SLC13A1: variants seen among roughly 807,000 people sequenced by gnomAD.
SLC13A1 encodes solute carrier family 13 member 1.
SLC13A1 carries 65 observed loss-of-function variants against 70.0 expected under a neutral mutation model. The ratio of observed to expected loss-of-function variants is 0.93; its 90% confidence interval spans 0.76 to 1.14. The LOEUF (loss-of-function observed/expected upper bound fraction) is 1.14. SLC13A1 is among the 50% of genes most tolerant of loss of function. The pLI is 0.00. For synonymous variants in SLC13A1, 275 were observed against 250.5 expected (o/e 1.10, Z -0.92); for missense variants, 726 against 717.8 (o/e 1.01, Z -0.13).
intron 6 of SLC13A1, among the ~76,000 whole-genome samples, chr7:123,166,232 G>A (rs1316498259): frequency 2.0e-5 from 3 of 152,048 alleles, no homozygotes; most frequent in Non-Finnish European, 4.4e-5. Context: ...GCCTGGGACA[G>A]TATTTGGATA....
intron 6 of SLC13A1, among the ~76,000 whole-genome samples, chr7:123,149,776 C>T (rs1047333052): frequency 1.3e-5 from 2 of 152,196 alleles, no homozygotes; most frequent in Non-Finnish European, 2.9e-5. Context: ...AATTCTATCT[C>T]TACAGTCCTT....
chr7:123,191,834 G>C (rs1316356791), intron 1 of SLC13A1, among the ~76,000 whole-genome samples: 1 of 152,102 alleles, frequency 6.6e-6, no homozygotes, highest in Non-Finnish European at 1.5e-5. Flanking sequence ...AACTCTATCA[G>C]AGTATATATT....
intron 6 of SLC13A1, among the ~76,000 whole-genome samples, chr7:123,151,665 C>T (rs992159504): frequency 6.6e-6 from 1 of 151,970 alleles, no homozygotes; most frequent in Non-Finnish European, 1.5e-5. Context: ...AAATAAAAGA[C>T]ATAGAGAAGT....
At chr7:123,141,992 GTCTTT>G (rs780282607) in intron 7 of SLC13A1, among the ~76,000 whole-genome samples, 51 of 152,194 alleles carry the variant, frequency 3.4e-4, no homozygotes, top group Admixed American at 9.2e-4. Context: ...TTGTTTTGTG[GTCTTT>G]TCTTCCTTTT....
intron 1 of SLC13A1, among the ~76,000 whole-genome samples, chr7:123,188,209 C>T: frequency 6.6e-6 from 1 of 152,210 alleles, no homozygotes; most frequent in African/African-American, 2.4e-5. Flanking sequence ...TAATTTGGCA[C>T]TTCTCCTTCC....
chr7:123,122,985 G>A lies in SLC13A1; in HGVS notation c.1350+141C>T, dbSNP rs28364215. 2.3e-3 allele frequency: 1,457 copies of A among 638,432 alleles called. 12 individuals carry two copies. The highest frequency in any genetic ancestry group is 1.5e-3 in the Non-Finnish European group (519 of 346,488). The allele number at this position is 638,432 out of a possible 1,614,324, so 39.5% of individuals were successfully genotyped here. On this transcript the variant is annotated intron_variant, in intron 12 of 14. Coordinates refer to ENST00000194130, the MANE Select transcript of SLC13A1 (RefSeq NM_022444.4). ...ACTCTGAACTCATCTCATTTGTGTG[G>A]TATATTCACTGCATAGCTAGCAAAA...
chr7:123,168,388 C>T lies in SLC13A1; in HGVS notation c.646G>A (p.Val216Met). The change falls in exon 6 of 15, where the codon GTG becomes ATG. Residue 216 changes from valine to methionine, a missense_variant. Transcript: ENST00000194130. ...NNDTGKISSK[V>M]ELEKNSGMRT... ...AATTTATGTACCTTTTCCAACTCCA[C>T]CTTGCTTGAAATTTTCCCTGTATCA... The T allele has an allele frequency of 1.3e-6, 2 of 1,583,208 alleles. No individual in the cohort carries two copies. The highest frequency in any genetic ancestry group is 1.7e-6 in the Non-Finnish European group (2 of 1,157,320).
chr7:123,165,708 C>T (rs948592237), intron 6 of SLC13A1, among the ~76,000 whole-genome samples: 13 of 152,228 alleles, frequency 8.5e-5, no homozygotes, highest in Non-Finnish European at 1.5e-4. Context: ...TGGACAAACC[C>T]ATACAATAAT....
At chr7:123,168,464 A>C in intron 5 of SLC13A1, 40 bp downstream of exon 5, 1 of 1,589,028 alleles carries the variant, frequency 6.3e-7, no homozygotes. Flanking sequence ...ATTAAAATAT[A>C]ATTTGGAAAA....
chr7:123,142,914 G>A (rs1012053630), intron 7 of SLC13A1, among the ~76,000 whole-genome samples: 8 of 152,026 alleles, frequency 5.3e-5, no homozygotes, highest in Non-Finnish European at 1.2e-4. Flanking sequence ...ACCGCACCCG[G>A]CTGACGAAGA....
intron 10 of SLC13A1, among the ~76,000 whole-genome samples, 154 bp downstream of exon 10, chr7:123,128,691 A>C (rs1164583022): frequency 1.3e-5 from 2 of 152,170 alleles, no homozygotes; most frequent in Admixed American, 6.6e-5. Flanking sequence ...CATTCCTTAT[A>C]ATTTTTTTCC....
Position 123,157,415 on chromosome 7 carries a change from A to T in SLC13A1, c.661-10105T>A, listed in dbSNP as rs1055350650. Among the ~76,000 whole-genome samples the T allele has an allele frequency of 2.0e-5, 3 of 152,140 alleles. 1 individual carries two copies. The highest frequency in any genetic ancestry group is 4.1e-4 in the South Asian group (2 of 4,828). The stretch of plus-strand genomic sequence containing the variant: ...GTGTGATGAATAAAGAGATGTTTAA[A>T]ATGTAGCATTAAGGACATGAGGCCT... On this transcript the variant is annotated intron_variant, in intron 6 of 14. Transcript: ENST00000194130.
rs1793142531 is a variant in SLC13A1, at chr7:123,115,315, C to T, written c.*203G>A. 3 of 408,074 alleles carry T rather than the reference C, an allele frequency of 7.4e-6. No homozygotes were observed. The highest frequency in any genetic ancestry group is 5.6e-5 in the South Asian group (1 of 17,846). 25.3% of individuals were successfully genotyped at this position (408,074 alleles called of 1,614,324 possible). On this transcript the variant is annotated 3_prime_UTR_variant, in exon 15 of 15. Transcript: ENST00000194130. The stretch of plus-strand genomic sequence containing the variant: ...CAAAACATGGGCTTCTTGATGAAGG[C>T]ACATAGATGCTCTTTAGTTGCACTG...
chr7:123,132,126 T>C (rs984906005), intron 8 of SLC13A1, among the ~76,000 whole-genome samples: 1 of 152,164 alleles, frequency 6.6e-6, no homozygotes, highest in Non-Finnish European at 1.5e-5. Context: ...GATGCCCACC[T>C]GCTGAAATCA....
rs1377772586 is a variant in SLC13A1 at position 123,197,605 on chromosome 7, A to G, written c.99+2243T>C. 8.5e-5 allele frequency among the ~76,000 whole-genome samples: 13 copies of G among 152,148 alleles called. 1 individual carries two copies. Among genetic ancestry groups the G allele is most frequent in the Admixed American group, 8.5e-4 (13 of 15,260 alleles). On this transcript the variant is annotated intron_variant, in intron 1 of 14. Transcript: ENST00000194130. Reference sequence around the variant, plus strand: ...ATTAAATATATGTTTAAAGTGGCCAAAAAATAATATCATGTTATTATACTA... The same window carrying G: ...ATTAAATATATGTTTAAAGTGGCCAGAAAATAATATCATGTTATTATACTA...
intron 1 of SLC13A1, among the ~76,000 whole-genome samples, chr7:123,197,300 A>G (rs1483136083): frequency 6.6e-6 from 1 of 152,138 alleles, no homozygotes; most frequent in African/African-American, 2.4e-5. Context: ...ATAGCCCCAC[A>G]TGGAATTATT....
At chr7:123,161,503 A>G (rs900113460) in intron 6 of SLC13A1, among the ~76,000 whole-genome samples, 12 of 152,190 alleles carry the variant, frequency 7.9e-5, no homozygotes, top group African/African-American at 2.2e-4. Flanking sequence ...TAATAGAATA[A>G]TTTCTAAGTA....
At chr7:123,196,730 G>T (rs1000286527) in intron 1 of SLC13A1, among the ~76,000 whole-genome samples, 2 of 152,048 alleles carry the variant, frequency 1.3e-5, no homozygotes, top group Non-Finnish European at 2.9e-5. Flanking sequence ...TGAGGAAATG[G>T]TTAAAACAGA....
intron 1 of SLC13A1, 111 bp downstream of exon 1, chr7:123,199,737 G>A (rs920374397): frequency 4.1e-6 from 3 of 727,016 alleles, no homozygotes; most frequent in African/African-American, 1.8e-5. Context: ...TAGGTATGAA[G>A]GGTCAACATT....
Sources: allele counts gnomAD v4.1 joint callset (sites outside exome capture counted in the v4.1 genomes callset), GRCh38; gene constraint gnomAD v4.1.1; transcripts MANE v1.5; gene names NCBI Gene and HGNC (gene_info 2026-07-23, HGNC 2026-07-21).